Variants in MID1 observed in about 807,000 individuals in gnomAD.
The protein encoded by MID1 is midline 1.
A neutral mutation model predicts 40.4 loss-of-function variants in MID1; 7 were observed. The ratio of observed to expected loss-of-function variants is 0.17; its 90% CI spans 0.10 to 0.33. MID1 has a LOEUF of 0.33. Among genes scored for constraint, MID1 ranks in the 10% least tolerant of loss-of-function variants. The probability of loss-of-function intolerance (pLI) is 1.00; values close to 1 mark genes in which losing one functional copy is unlikely to be tolerated. For missense variants in MID1, 367 were observed against 558.5 expected (o/e 0.66, Z 3.46); for synonymous variants, 229 against 221.2 (o/e 1.04, Z -0.31).
chrX:10,636,785 G>GATAGATATATATATATATATAT (rs1555911853), intron 1 of MID1, among the ~76,000 whole-genome samples: 1 of 42,719 alleles, frequency 2.3e-5, no homozygotes, highest in Non-Finnish European at 4.0e-5. Context: ...CAACAATGGG[G>GATAGATATATATATATATATAT]ATATATATAT....
intron 1 of MID1, among the ~76,000 whole-genome samples, chrX:10,761,782 T>C (rs2043679951): frequency 8.9e-6 from 1 of 112,047 alleles, no homozygotes; most frequent in Non-Finnish European, 1.9e-5. Flanking sequence ...TAAGCCACTA[T>C]GTATGAAGGT....
chrX:10,759,503 C>T (rs193009506), intron 1 of MID1, among the ~76,000 whole-genome samples: 74 of 111,222 alleles, frequency 6.7e-4, no homozygotes, highest in African/African-American at 2.4e-3. Flanking sequence ...CTTCCTTCCC[C>T]TTTGTGATGC....
intron 3 of MID1, among the ~76,000 whole-genome samples, chrX:10,522,597 T>C (rs1167976535): frequency 8.9e-6 from 1 of 111,782 alleles, no homozygotes; most frequent in East Asian, 2.8e-4. Flanking sequence ...CCCGGGTTCA[T>C]GCCATTCTCC....
chrX:10,515,444 T>G (rs972030112), intron 3 of MID1, among the ~76,000 whole-genome samples: 1 of 112,196 alleles, frequency 8.9e-6, no homozygotes, highest in African/African-American at 3.2e-5. Context: ...TCACTTTACA[T>G]GACAACTAGC....
chrX:10,530,026 C>T (rs954982297), intron 2 of MID1, among the ~76,000 whole-genome samples: 4 of 111,753 alleles, frequency 3.6e-5, no homozygotes, highest in Admixed American at 9.5e-5. Flanking sequence ...TCATTGGTAC[C>T]GTTGAGTCTG....
rs1281637418 is a variant in MID1 at position 10,450,770 on chromosome X, T to C, written c.1656-1054A>G. Among the ~76,000 whole-genome samples, 25 of 112,430 alleles carry C rather than the reference T, an allele frequency of 2.2e-4. No individual in the cohort carries two copies. In the Admixed American group the frequency reaches 2.3e-3, roughly 10 times the overall value. ...TCAAAAAAATCCAAAGAATGCTTTC[T>C]ACAATGTTCTAAGCATCTTAATCTC... On this transcript the variant is annotated intron_variant, in intron 9 of 9. Coordinates refer to ENST00000317552, the MANE Select transcript of MID1 (RefSeq NM_000381.4).
At chrX:10,704,765 C>CACACACACACAG (rs781699598) in intron 1 of MID1, among the ~76,000 whole-genome samples, 1,965 of 90,872 alleles carry the variant, frequency 0.022, 26 homozygotes, top group African/African-American at 0.047. Flanking sequence ...CACACACACA[C>CACACACACACAG]AGAGAGAGAG....
At chrX:10,573,622 T>C (rs1934798120) in intron 1 of MID1, among the ~76,000 whole-genome samples, 1 of 112,320 alleles carries the variant, frequency 8.9e-6, no homozygotes, top group East Asian at 2.8e-4. Context: ...TGTATGTCAC[T>C]GAAACTGTAC....
At chrX:10,483,982 T>A (rs1930483920) in intron 4 of MID1, among the ~76,000 whole-genome samples, 1 of 112,212 alleles carries the variant, frequency 8.9e-6, no homozygotes, top group South Asian at 3.7e-4. Flanking sequence ...ATCGTGAGCC[T>A]GGTAAAAGAC....
chrX:10,480,874 A>C (rs1295909960), intron 5 of MID1, among the ~76,000 whole-genome samples: 1 of 112,451 alleles, frequency 8.9e-6, no homozygotes, highest in African/African-American at 3.2e-5. Context: ...ATTACTCTTT[A>C]AGAAGAGTGA....
chrX:10,787,785 A>T (rs926468006), intron 1 of MID1, among the ~76,000 whole-genome samples: 43 of 107,308 alleles, frequency 4.0e-4, no homozygotes, highest in African/African-American at 1.4e-3. Flanking sequence ...CCTAAAATGT[A>T]GTATAAATGC....
At chrX:10,742,813 C>T (rs1255819471) in intron 1 of MID1, among the ~76,000 whole-genome samples, 1 of 112,100 alleles carries the variant, frequency 8.9e-6, no homozygotes, top group East Asian at 2.8e-4. Flanking sequence ...TTCAACCTAT[C>T]AAATGAACTA....
intron 1 of MID1, among the ~76,000 whole-genome samples, chrX:10,721,056 G>C (rs1438810285): frequency 9.4e-6 from 1 of 106,599 alleles, no homozygotes; most frequent in Non-Finnish European, 1.9e-5. Context: ...TGTGGGGTGG[G>C]GGGAGGCGGG....
At chrX:10,592,196 A>G (rs1051497811) in intron 1 of MID1, among the ~76,000 whole-genome samples, 1 of 104,342 alleles carries the variant, frequency 9.6e-6, no homozygotes, top group Non-Finnish European at 2.0e-5. Context: ...CATTAAAAAA[A>G]GTTCCTCAAA....
intron 1 of MID1, among the ~76,000 whole-genome samples, chrX:10,662,002 G>A (rs1251956329): frequency 9.0e-6 from 1 of 111,463 alleles, no homozygotes; most frequent in African/African-American, 3.3e-5. Context: ...TGCCTTTTTC[G>A]CTCTTTTTAA....
intron 1 of MID1, among the ~76,000 whole-genome samples, chrX:10,680,053 A>G (rs6530408): frequency 0.11 from 12,601 of 111,730 alleles, 1,226 homozygotes; most frequent in African/African-American, 0.32. Context: ...TAAAACTTGC[A>G]TCTACATTTT....
At chrX:10,667,804 C>T (rs766495931) in intron 1 of MID1, among the ~76,000 whole-genome samples, 2 of 111,495 alleles carry the variant, frequency 1.8e-5, no homozygotes, top group Admixed American at 9.5e-5. Context: ...GGAACTCATC[C>T]GTGAAGAATA....
chrX:10,641,270 T>C lies in MID1; in HGVS notation c.-186-20851A>G, dbSNP rs780281080. Among the ~76,000 whole-genome samples the C allele has an allele frequency of 4.5e-5, 5 of 111,395 alleles. No homozygotes were observed. In the East Asian group the frequency reaches 1.4e-3, roughly 31 times the overall value. On this transcript the variant is annotated intron_variant, in intron 1 of 10. Transcript: ENST00000380785. The stretch of plus-strand genomic sequence containing the variant: ...AAGATCAACAAAATTGATAGACTGC[T>C]AGCAAGATTAATAAAGAAGAAAAGA...
chrX:10,732,443 G>T (rs1822293675), intron 1 of MID1, among the ~76,000 whole-genome samples: 1 of 112,052 alleles, frequency 8.9e-6, no homozygotes, highest in Non-Finnish European at 1.9e-5. Flanking sequence ...TATGCAAAAT[G>T]TAGATTGAAA....
Sources: allele counts gnomAD v4.1 joint callset (sites outside exome capture counted in the v4.1 genomes callset), GRCh38; gene constraint gnomAD v4.1.1; transcripts MANE v1.5; gene names NCBI Gene and HGNC (gene_info 2026-07-23, HGNC 2026-07-21).